RNF130: variants seen among roughly 807,000 people sequenced by gnomAD.
The protein encoded by RNF130 is E3 ubiquitin-protein ligase RNF130.
RNF130 carries 21 observed loss-of-function variants against 44.6 expected under a neutral mutation model. The ratio of observed to expected loss-of-function variants is 0.47; its 90% confidence interval spans 0.33 to 0.68. RNF130 has a LOEUF of 0.68. RNF130 is among the 30% of genes least tolerant of loss of function. The pLI is 0.02. For synonymous variants in RNF130, 214 were observed against 210.4 expected, an observed-to-expected ratio of 1.02 and a Z score of -0.15; for missense variants, 479 against 560.6, an observed-to-expected ratio of 0.85 and a Z score of 1.47.
chr5:180,006,332 G>T (rs1265990940), intron 3 of RNF130, among the ~76,000 whole-genome samples: 1 of 151,876 alleles, frequency 6.6e-6, no homozygotes, highest in East Asian at 1.9e-4. Flanking sequence ...AGTTTTCAAA[G>T]ATTAACTGTA....
intron 2 of RNF130, among the ~76,000 whole-genome samples, chr5:180,039,795 C>G (rs529097949): frequency 2.0e-5 from 3 of 152,310 alleles, no homozygotes; most frequent in Admixed American, 2.0e-4. Flanking sequence ...AGAACATCAA[C>G]AAAACTAGGG....
At chr5:180,026,117 CAA>C (rs34361237) in intron 2 of RNF130, among the ~76,000 whole-genome samples, 11 of 131,188 alleles carry the variant, frequency 8.4e-5, no homozygotes, top group African/African-American at 5.3e-5. Context: ...TTCAACCATC[CAA>C]AAAAAAAAAA....
intron 3 of RNF130, among the ~76,000 whole-genome samples, chr5:179,993,404 A>G (rs1763134740): frequency 6.6e-6 from 1 of 152,178 alleles, no homozygotes; most frequent in South Asian, 2.1e-4. Flanking sequence ...TAACTTTTTA[A>G]CAATCACCAT....
intron 2 of RNF130, among the ~76,000 whole-genome samples, chr5:180,029,127 C>A (rs1387903342): frequency 2.0e-5 from 3 of 152,120 alleles, no homozygotes; most frequent in African/African-American, 7.2e-5. Context: ...ATGCCAAATT[C>A]TTTTCTCTAT....
At position 179,963,569 on chromosome 5, in the gene RNF130, T is replaced by C; in HGVS notation, c.1151-5A>G. On this transcript the variant is annotated splice_region_variant and splice_polypyrimidine_tract_variant and intron_variant, in intron 7 of 8. Transcript: ENST00000521389. Reference sequence around the variant, plus strand: ...TGGCAATAATAAACCATTCTTCTGTTGACAAAGGAAAGGGAGGAAATCACT... The same window carrying C: ...TGGCAATAATAAACCATTCTTCTGTCGACAAAGGAAAGGGAGGAAATCACT... The C allele has an allele frequency of 1.2e-6, 2 of 1,603,340 alleles. No individual in the cohort carries two copies. The highest frequency in any genetic ancestry group is 1.3e-5 in the African/African-American group (1 of 74,818).
chr5:180,002,797 C>A (rs775713157), intron 3 of RNF130, among the ~76,000 whole-genome samples: 3 of 152,200 alleles, frequency 2.0e-5, no homozygotes, highest in Admixed American at 6.5e-5. Context: ...TCGGATGCAC[C>A]CCTGTACTCT....
At chr5:180,019,341 G>A (rs945774193) in intron 2 of RNF130, among the ~76,000 whole-genome samples, 8 of 149,768 alleles carry the variant, frequency 5.3e-5, no homozygotes, top group Non-Finnish European at 8.9e-5. Flanking sequence ...CCGAGATCAC[G>A]CCACTGCACT....
chr5:179,919,318 C>T (rs1761594845), exon 8 of RNF130: 1 of 152,978 alleles, frequency 6.5e-6, no homozygotes, highest in African/African-American at 2.4e-5. Flanking sequence ...GGCCGGTGCT[C>T]ATGTGCCTTC....
intron 6 of RNF130, among the ~76,000 whole-genome samples, chr5:179,969,761 G>A (rs1440577082): frequency 2.0e-5 from 3 of 152,112 alleles, no homozygotes; most frequent in Non-Finnish European, 4.4e-5. Flanking sequence ...AGGCAGAGGC[G>A]GGTGGATCAC....
chr5:179,925,044 A>G (rs959425349), intron 7 of RNF130, among the ~76,000 whole-genome samples: 1 of 152,192 alleles, frequency 6.6e-6, no homozygotes, highest in Non-Finnish European at 1.5e-5. Flanking sequence ...TATTGTGAAA[A>G]GTGTATTTGG....
At chr5:180,055,542 A>G (rs971020032) in intron 1 of RNF130, among the ~76,000 whole-genome samples, 2 of 151,932 alleles carry the variant, frequency 1.3e-5, no homozygotes, top group Non-Finnish European at 2.9e-5. Context: ...AAATAAAGAG[A>G]GGGATTTCTG....
At chr5:179,981,146 A>G (rs1484817458) in intron 3 of RNF130, among the ~76,000 whole-genome samples, 1 of 150,620 alleles carries the variant, frequency 6.6e-6, no homozygotes, top group African/African-American at 2.4e-5. Context: ...GTAATAATCT[A>G]GTAAAGATAA....
intron 2 of RNF130, among the ~76,000 whole-genome samples, chr5:180,025,907 A>AT: frequency 6.6e-6 from 1 of 152,328 alleles, no homozygotes; most frequent in South Asian, 2.1e-4. Flanking sequence ...CAAATTACTG[A>AT]TACGTAAAGG....
chr5:180,069,141 CAGA>C (rs1765183430), intron 1 of RNF130, among the ~76,000 whole-genome samples: 1 of 152,190 alleles, frequency 6.6e-6, no homozygotes, highest in Admixed American at 6.5e-5. Flanking sequence ...ACTGCAACAG[CAGA>C]AGATTTAGAT....
At chr5:179,927,142 G>A (rs1238824110) in intron 7 of RNF130, among the ~76,000 whole-genome samples, 1 of 152,180 alleles carries the variant, frequency 6.6e-6, no homozygotes, top group Non-Finnish European at 1.5e-5. Context: ...AAGAAAATGG[G>A]TCAGAACTTA....
intron 2 of RNF130, among the ~76,000 whole-genome samples, chr5:180,018,756 A>G (rs1763800554): frequency 6.6e-6 from 1 of 152,196 alleles, no homozygotes; most frequent in Admixed American, 6.5e-5. Context: ...TCTGCTGACC[A>G]ACACAGTCCT....
At chr5:180,016,630 T>G (rs565961383) in intron 2 of RNF130, among the ~76,000 whole-genome samples, 1 of 152,260 alleles carries the variant, frequency 6.6e-6, no homozygotes, top group South Asian at 2.1e-4. Flanking sequence ...TTGAGAAACT[T>G]CCCCCACTGT....
intron 7 of RNF130, among the ~76,000 whole-genome samples, chr5:179,946,288 C>T (rs967941249): frequency 6.6e-6 from 1 of 152,176 alleles, no homozygotes; most frequent in African/African-American, 2.4e-5. Context: ...GCCATAGCCG[C>T]GCGGGGTCTG....
chr5:179,960,493 A>T (rs578072013), intron 8 of RNF130, among the ~76,000 whole-genome samples: 99 of 152,238 alleles, frequency 6.5e-4, no homozygotes, highest in Non-Finnish European at 1.2e-3. Flanking sequence ...GTGGTGAGGA[A>T]GGGATGGGGG....
Sources: allele counts gnomAD v4.1 joint callset (sites outside exome capture counted in the v4.1 genomes callset), GRCh38; gene constraint gnomAD v4.1.1; transcripts MANE v1.5; gene names NCBI Gene and HGNC (gene_info 2026-07-23, HGNC 2026-07-21).